The following SUSD1 variants were observed in gnomAD, a reference collection of about 807,000 sequenced individuals.
SUSD1 encodes the protein sushi domain-containing protein 1.
A neutral mutation model predicts 86.9 loss-of-function variants in SUSD1; 65 were observed. The observed-to-expected ratio is 0.75, with a 90% CI of 0.61 to 0.92. The LOEUF (loss-of-function observed/expected upper bound fraction) is 0.92, where lower values mean the gene tolerates loss of function less well. Among genes scored for constraint, SUSD1 ranks in the 40% least tolerant of loss-of-function variants. The probability of loss-of-function intolerance (pLI) is 0.00; values close to 1 mark genes in which losing one functional copy is unlikely to be tolerated. For missense variants in SUSD1, 850 were observed against 929.7 expected (o/e 0.91, Z 1.11); for synonymous variants, 346 against 350.0 (o/e 0.99, Z 0.13).
chr9:112,147,070 A>C, intron 3 of SUSD1, among the ~76,000 whole-genome samples: 1 of 152,236 alleles, frequency 6.6e-6, no homozygotes, highest in Non-Finnish European at 1.5e-5. Flanking sequence ...TCTCCAGAAG[A>C]TTCCCCTGAT....
At chr9:112,150,430 T>A (rs1040312514) in intron 2 of SUSD1, among the ~76,000 whole-genome samples, 2 of 152,242 alleles carry the variant, frequency 1.3e-5, no homozygotes, top group Non-Finnish European at 2.9e-5. Context: ...GCCCCTCATA[T>A]CCGTTTAATG....
intron 3 of SUSD1, 29 bp from the exon 4 acceptor site, chr9:112,143,652 G>T (rs768302020): frequency 1.3e-6 from 2 of 1,552,926 alleles, no homozygotes; most frequent in Non-Finnish European, 1.7e-6. Context: ...TAGAGAAAAG[G>T]AGATAAAAAC....
intron 1 of SUSD1, among the ~76,000 whole-genome samples, chr9:112,164,624 C>T (rs1384724118): frequency 6.6e-6 from 1 of 151,176 alleles, no homozygotes; most frequent in Non-Finnish European, 1.5e-5. Context: ...AAAAAAAATA[C>T]ATACATACTA....
chr9:112,119,691 C>T (rs1188798594), intron 6 of SUSD1, among the ~76,000 whole-genome samples: 2 of 152,204 alleles, frequency 1.3e-5, no homozygotes, highest in Admixed American at 6.5e-5. Context: ...TAAACCGACT[C>T]ATTAACATCA....
In SUSD1 at chr9:112,068,318, A is replaced by G. The variant is rs1030634967; in HGVS notation, c.1754-5285T>C. Among the ~76,000 whole-genome samples the G allele has an allele frequency of 9.2e-5, 14 of 152,294 alleles. No homozygotes were observed. The East Asian group carries it at 9.6e-4, about 10-fold the overall frequency. On this transcript the variant is annotated intron_variant, in intron 12 of 16. Transcript: ENST00000374270. The stretch of plus-strand genomic sequence containing the variant: ...CATGGAGTTCCTGGCTGAAAGGTTG[A>G]GGTCTGGCAGAGTAGAAGTAGGTGG...
intron 12 of SUSD1, among the ~76,000 whole-genome samples, chr9:112,064,096 A>C (rs1589598610): frequency 1.3e-5 from 2 of 148,394 alleles, no homozygotes; most frequent in African/African-American, 2.5e-5. Context: ...GTGATTTCCC[A>C]CCTCCCAGTC....
At chr9:112,130,608 AAGGAAGGAAAGG>A (rs1292144964) in intron 5 of SUSD1, among the ~76,000 whole-genome samples, 1 of 151,036 alleles carries the variant, frequency 6.6e-6, no homozygotes, top group Non-Finnish European at 1.5e-5. Flanking sequence ...AAGGAAAGGA[AAGGAAGGAAAGG>A]AAAGGAAAGG....
intron 5 of SUSD1, among the ~76,000 whole-genome samples, chr9:112,141,244 C>T (rs146784425): frequency 6.6e-6 from 1 of 152,302 alleles, no homozygotes; most frequent in Non-Finnish European, 1.5e-5. Context: ...ATTATGATGG[C>T]TACGATGTCA....
intron 1 of SUSD1, among the ~76,000 whole-genome samples, chr9:112,164,742 A>T (rs1435548320): frequency 6.6e-6 from 1 of 152,134 alleles, no homozygotes; most frequent in African/African-American, 2.4e-5. Context: ...CAAGAGATTG[A>T]GATCATCCTG....
At chr9:112,164,139 A>G (rs574160252) in intron 1 of SUSD1, among the ~76,000 whole-genome samples, 8 of 152,352 alleles carry the variant, frequency 5.3e-5, no homozygotes, top group African/African-American at 1.7e-4. Flanking sequence ...AGATAAATTA[A>G]AGGAAGTCCA....
intron 1 of SUSD1, among the ~76,000 whole-genome samples, chr9:112,170,876 A>T (rs1834019307): frequency 6.6e-6 from 1 of 151,346 alleles, no homozygotes. Context: ...GGCCCGGCCA[A>T]TTTTTTTTGT....
chr9:112,140,542 G>GAAAGGAAAAAGGA (rs1343581991), intron 5 of SUSD1, among the ~76,000 whole-genome samples: 1 of 151,016 alleles, frequency 6.6e-6, no homozygotes, highest in Admixed American at 6.6e-5. Context: ...GAAAAGAAAA[G>GAAAGGAAAAAGGA]AAAGGAAAAA....
chr9:112,152,791 A>G (rs1416276420), intron 2 of SUSD1, among the ~76,000 whole-genome samples: 2 of 105,214 alleles, frequency 1.9e-5, no homozygotes, highest in Non-Finnish European at 3.6e-5. Flanking sequence ...GTCTTGCATC[A>G]TAACCAAGGC....
chr9:112,068,743 A>G (rs1225449284), intron 12 of SUSD1, among the ~76,000 whole-genome samples: 1 of 152,130 alleles, frequency 6.6e-6, no homozygotes, highest in East Asian at 1.9e-4. Context: ...TGCACTTCAA[A>G]AATACAACTT....
intron 14 of SUSD1, among the ~76,000 whole-genome samples, chr9:112,053,876 T>C (rs1378215273): frequency 6.6e-6 from 1 of 152,216 alleles, no homozygotes; most frequent in African/African-American, 2.4e-5. Flanking sequence ...AGAAAAGTGA[T>C]GTTCAGGCAA....
intron 15 of SUSD1, among the ~76,000 whole-genome samples, chr9:112,042,440 C>T (rs1352449428): frequency 3.3e-5 from 5 of 152,162 alleles, no homozygotes; most frequent in Non-Finnish European, 7.3e-5. Context: ...TTTCTCCATA[C>T]CTCAACAAGG....
intron 12 of SUSD1, among the ~76,000 whole-genome samples, chr9:112,077,574 A>T (rs1271166723): frequency 3.1e-5 from 4 of 128,306 alleles, no homozygotes; most frequent in Admixed American, 3.1e-4. Flanking sequence ...GTGCGATCTC[A>T]GATCAACACA....
chr9:112,101,305 T>A (rs1830625318), intron 9 of SUSD1, among the ~76,000 whole-genome samples: 1 of 152,038 alleles, frequency 6.6e-6, no homozygotes, highest in African/African-American at 2.4e-5. Flanking sequence ...GAGGTCGCAG[T>A]GAGCCAAGAT....
intron 2 of SUSD1, among the ~76,000 whole-genome samples, chr9:112,152,233 A>G (rs1589732608): frequency 1.3e-5 from 2 of 151,896 alleles, no homozygotes; most frequent in Non-Finnish European, 2.9e-5. Context: ...TCTTTCTTCA[A>G]TAATAAATTA....
Sources: allele counts gnomAD v4.1 joint callset (sites outside exome capture counted in the v4.1 genomes callset), GRCh38; gene constraint gnomAD v4.1.1; transcripts MANE v1.5; gene names NCBI Gene and HGNC (gene_info 2026-07-23, HGNC 2026-07-21).